The following IKZF3 variants were observed in gnomAD, a reference collection of about 807,000 sequenced individuals.
IKZF3 encodes the protein IKAROS family zinc finger 3, also known as zinc finger protein Aiolos.
A neutral mutation model predicts 49.0 loss-of-function variants in IKZF3; 10 were observed. The observed-to-expected ratio is 0.20, with a 90% CI of 0.13 to 0.35. IKZF3 has a LOEUF of 0.35. Ranked by LOEUF, IKZF3 falls within the 10% of genes least tolerant of loss-of-function variation. The pLI, the probability that IKZF3 is intolerant of heterozygous loss-of-function variation, is 1.00. For missense variants in IKZF3, 498 were observed against 664.8 expected (o/e 0.75, Z 2.76); for synonymous variants, 209 against 228.2 (o/e 0.92, Z 0.76).
Position 39,766,210 on chromosome 17 carries a change from G to T in IKZF3, c.1110C>A (p.Ser370Arg). ...GAGAGAGGCCTCTCTCAGAAGGCAC[G>T]CTCTTCTCTGGAAGGTGGATGCTTT... is the stretch of plus-strand genomic sequence containing the variant. ...EKKSIHLPEK[S>R]VPSERGLSPN... is the part of the protein sequence containing the mutation. The change falls in exon 8 of 8, where the codon AGC becomes AGA. Residue 370 changes from serine (S) to arginine (R), a missense_variant. Physicochemically the swap from Ser to Arg is moderately radical, Grantham distance 110 (BLOSUM62 -1). This residue lies in a region of IKZF3 where 317 missense variants were observed against 397.3 expected (regional missense o/e 0.80). Coordinates refer to ENST00000346872, the MANE Select transcript of IKZF3 (RefSeq NM_012481.5). 6.2e-7 allele frequency: 1 copy of T among 1,614,162 alleles called. No homozygotes were observed. The highest frequency in any genetic ancestry group is 8.5e-7 in the Non-Finnish European group (1 of 1,180,020).
intron 1 of IKZF3, among the ~76,000 whole-genome samples, chr17:39,841,146 C>T (rs1320446425): frequency 6.6e-6 from 1 of 151,560 alleles, no homozygotes; most frequent in African/African-American, 2.4e-5. Context: ...CACTGCAGTC[C>T]AGCCTGGGCA....
intron 3 of IKZF3, among the ~76,000 whole-genome samples, chr17:39,799,846 TTA>T (rs2061273415): frequency 6.6e-6 from 1 of 152,176 alleles, no homozygotes; most frequent in African/African-American, 2.4e-5. Context: ...AGAAAAAAAA[TTA>T]TGTTTCTTTG....
chr17:39,844,369 A>G (rs1367886154), intron 1 of IKZF3, among the ~76,000 whole-genome samples: 3 of 152,208 alleles, frequency 2.0e-5, no homozygotes, highest in Non-Finnish European at 4.4e-5. Context: ...TGAACAGGGA[A>G]AGCATGCTCC....
rs1304682498 is a variant in IKZF3 at position 39,789,889 on chromosome 17, A to G, written c.593-1515T>C. Among the ~76,000 whole-genome samples the G allele has an allele frequency of 4.1e-5, 6 of 145,898 alleles. No homozygotes were observed. In the East Asian group the frequency reaches 1.2e-3, roughly 29 times the overall value. ...GCAACAGCCTAGGCAACAGAGCAAG[A>G]CTCCGTCTCAAAAAAAAAAAAAAAA... On this transcript the variant is annotated intron_variant, in intron 5 of 7. Transcript: ENST00000346872.
At chr17:39,768,739 G>A (rs2060360412) in intron 7 of IKZF3, among the ~76,000 whole-genome samples, 1 of 152,046 alleles carries the variant, frequency 6.6e-6, no homozygotes, top group Admixed American at 6.5e-5. Context: ...TGTTTGATTT[G>A]GTTCACATTT....
In IKZF3 at chr17:39,863,992, C is replaced by T. The variant is rs538819176; in HGVS notation, c.7+128G>A. 2.3e-3 allele frequency: 2,785 copies of T among 1,229,210 alleles called. 5 individuals carry two copies. The highest frequency in any genetic ancestry group is 3.1e-3 in the Non-Finnish European group (2,558 of 833,494). The allele number at this position is 1,229,210 out of a possible 1,614,324, so 76.1% of individuals were successfully genotyped here. ...CGACGCGCTTTGTCCTCTGAAATACCTCATATTTACTTTTGACAAAAGAAG... is the reference window on the plus strand; with the variant it reads ...CGACGCGCTTTGTCCTCTGAAATACTTCATATTTACTTTTGACAAAAGAAG... On this transcript the variant is annotated intron_variant, in intron 1 of 7. Transcript: ENST00000346872.
chr17:39,855,795 G>C (rs1338549732), intron 1 of IKZF3, among the ~76,000 whole-genome samples: 1 of 152,016 alleles, frequency 6.6e-6, no homozygotes, highest in Non-Finnish European at 1.5e-5. Flanking sequence ...ACTTGAGAAA[G>C]GATGATAAGT....
At chr17:39,801,518 T>G (rs1489394026) in intron 3 of IKZF3, among the ~76,000 whole-genome samples, 1 of 152,202 alleles carries the variant, frequency 6.6e-6, no homozygotes, top group African/African-American at 2.4e-5. Context: ...AGGTATTCAG[T>G]CTACAAAGTT....
intron 1 of IKZF3, among the ~76,000 whole-genome samples, chr17:39,840,008 C>T (rs2062419199): frequency 6.6e-6 from 1 of 152,176 alleles, no homozygotes; most frequent in Non-Finnish European, 1.5e-5. Context: ...TTGGCTTAAA[C>T]TCAAACTCCG....
intron 1 of IKZF3, among the ~76,000 whole-genome samples, chr17:39,858,188 G>T (rs1190477282): frequency 6.6e-6 from 1 of 151,946 alleles, no homozygotes. Flanking sequence ...CTGGGCATTG[G>T]TGGCTCACAT....
intron 3 of IKZF3, among the ~76,000 whole-genome samples, chr17:39,802,670 G>A (rs1383494216): frequency 6.6e-6 from 1 of 150,422 alleles, no homozygotes; most frequent in Non-Finnish European, 1.5e-5. Context: ...TAGAATACCT[G>A]GGAATAGCTG....
At chr17:39,832,023 A>T in intron 2 of IKZF3, 75 bp downstream of exon 2, 1 of 1,098,788 alleles carries the variant, frequency 9.1e-7, no homozygotes, top group Non-Finnish European at 1.4e-6. Flanking sequence ...CTGCAACCAG[A>T]ATAAGCACAT....
rs138769049 is a variant in IKZF3 at position 39,769,443 on chromosome 17, G to A, written c.827-2950C>T. On this transcript the variant is annotated intron_variant, in intron 7 of 7. Coordinates refer to ENST00000346872, the MANE Select transcript of IKZF3 (RefSeq NM_012481.5). Reference sequence around the variant, plus strand: ...TGAGAGAGAAAAAAAATATGCAAACGAAAATACCCTGTCTTGGAAACTCAA... The same window carrying A: ...TGAGAGAGAAAAAAAATATGCAAACAAAAATACCCTGTCTTGGAAACTCAA... Among the ~76,000 whole-genome samples the A allele has an allele frequency of 5.2e-4, 79 of 152,220 alleles. 1 individual carries two copies. Among genetic ancestry groups the A allele is most frequent in the African/African-American group, 1.7e-3 (69 of 41,540 alleles).
At chr17:39,786,255 C>A (rs2060872474) in intron 6 of IKZF3, among the ~76,000 whole-genome samples, 1 of 152,158 alleles carries the variant, frequency 6.6e-6, no homozygotes, top group South Asian at 2.1e-4. Flanking sequence ...TGACTAATCA[C>A]AAAAACAACT....
intron 1 of IKZF3, among the ~76,000 whole-genome samples, chr17:39,843,749 G>A (rs2062547461): frequency 6.6e-6 from 1 of 151,488 alleles, no homozygotes; most frequent in South Asian, 2.1e-4. Context: ...AGAGGTTACA[G>A]TGAGCCGAGA....
At chr17:39,791,652 G>T in intron 4 of IKZF3, 69 bp from the exon 5 acceptor site, 1 of 1,475,064 alleles carries the variant, frequency 6.8e-7, no homozygotes, top group Non-Finnish European at 9.4e-7. Context: ...CAGATTAGAT[G>T]CCTAGGGGAA....
intron 3 of IKZF3, among the ~76,000 whole-genome samples, chr17:39,794,267 A>G (rs749335368): frequency 6.6e-6 from 1 of 152,206 alleles, no homozygotes; most frequent in Admixed American, 6.5e-5. Context: ...CACTAGACAT[A>G]TAAGGCCTAA....
intron 6 of IKZF3, chr17:39,778,064 A>C (rs1014575463): frequency 9.5e-6 from 10 of 1,047,978 alleles, no homozygotes; most frequent in African/African-American, 3.4e-5. Flanking sequence ...GTTGGTTGCA[A>C]AAAGATAGAT....
At chr17:39,788,403 T>G (rs771491702) in intron 5 of IKZF3, 29 bp from the exon 6 acceptor site, 4 of 1,476,372 alleles carry the variant, frequency 2.7e-6, no homozygotes, top group Non-Finnish European at 3.8e-6. Context: ...GGGCACTCAG[T>G]GACCCTCAGG....
Sources: gnomAD v4.1 joint callset for allele counts (sites outside exome capture counted in the v4.1 genomes callset) on GRCh38, gnomAD v4.1.1 for gene constraint, gnomAD v4.1.1 regional missense constraint, MANE v1.5 for transcripts, NCBI Gene and HGNC (gene_info 2026-07-23, HGNC 2026-07-21) for gene names.